PHLDA3: variants seen among roughly 807,000 people sequenced by gnomAD.
PHLDA3 encodes the protein pleckstrin homology like domain family A member 3.
A neutral mutation model predicts 7.6 loss-of-function variants in PHLDA3; 12 were observed. The observed-to-expected ratio is 1.58, with a 90% CI of 1.01 to 2.55. The LOEUF is 2.55. Ranked by LOEUF, PHLDA3 falls within the 30% of genes most tolerant of loss-of-function variation. PHLDA3 has a pLI of 0.00. For missense variants in PHLDA3, 177 were observed against 175.6 expected, an observed-to-expected ratio of 1.01 and a Z score of -0.05; for synonymous variants, 104 against 85.1, an observed-to-expected ratio of 1.22 and a Z score of -1.23.
Position 201,468,367 on chromosome 1 carries a change from T to C in PHLDA3, c.*36A>G, listed in dbSNP as rs1283149159. ...TGCCTTGACCTCAGCACTGAGGTGGTGGGTAGCATGAAGGAAAGATGGTGC... is the reference window on the plus strand; with the variant it reads ...TGCCTTGACCTCAGCACTGAGGTGGCGGGTAGCATGAAGGAAAGATGGTGC... On this transcript the variant is annotated 3_prime_UTR_variant, in exon 1 of 2. Coordinates refer to ENST00000367311, the MANE Select transcript of PHLDA3 (RefSeq NM_012396.5). 2 of 1,612,138 alleles carry C rather than the reference T, an allele frequency of 1.2e-6. No homozygotes were observed. The highest frequency in any genetic ancestry group is 1.3e-5 in the African/African-American group (1 of 74,924).
intron 1 of PHLDA3, 102 bp downstream of exon 1, chr1:201,468,239 A>T: frequency 2.3e-6 from 2 of 865,892 alleles, no homozygotes; most frequent in Non-Finnish European, 3.4e-6. Context: ...CCTCCCCCCT[A>T]AGATGTCCGG....
rs1241674199 is a variant in PHLDA3, at chr1:201,468,332, G to A, written c.*62+9C>T. 3 of 1,555,896 alleles carry A rather than the reference G, an allele frequency of 1.9e-6. No homozygotes were observed. The highest frequency in any genetic ancestry group is 2.6e-6 in the Non-Finnish European group (3 of 1,140,412). ...GGAGAGAAGAGGGCCCAGTCCCCCGGGGGCTTACCTGCCTTGACCTCAGCA... is the reference window on the plus strand; with the variant it reads ...GGAGAGAAGAGGGCCCAGTCCCCCGAGGGCTTACCTGCCTTGACCTCAGCA... On this transcript the variant is annotated intron_variant, in intron 1 of 1. Transcript: ENST00000367311.
chr1:201,464,441 G>C lies in PHLDA3; in HGVS notation c.*1800C>G, dbSNP rs1332204118. 6.6e-6 allele frequency: 1 copy of C among 152,240 alleles called. No homozygotes were observed. Among genetic ancestry groups the C allele is most frequent in the African/African-American group, 2.4e-5 (1 of 41,448 alleles). The allele number at this position is 152,240 out of a possible 1,614,324, so 9.4% of individuals were successfully genotyped here. On this transcript the variant is annotated 3_prime_UTR_variant, in exon 2 of 2. Transcript: ENST00000367311. Reference sequence around the variant, plus strand: ...GTAATTAACAAATTCTCATTCAACTGTGTGATGTAATTCACACATCAGATG... The same window carrying C: ...GTAATTAACAAATTCTCATTCAACTCTGTGATGTAATTCACACATCAGATG...
At chr1:201,468,208 G>A in intron 1 of PHLDA3, 133 bp downstream of exon 1, 1 of 674,644 alleles carries the variant, frequency 1.5e-6, no homozygotes, top group Non-Finnish European at 2.4e-6. Context: ...AGCCTCCCAT[G>A]CCCTCAGTTG....
intron 1 of PHLDA3, among the ~76,000 whole-genome samples, chr1:201,467,262 G>A (rs985805707): frequency 1.3e-5 from 2 of 152,114 alleles, no homozygotes; most frequent in African/African-American, 2.4e-5. Flanking sequence ...GCTGCAGTGA[G>A]CCATGACTAT....
intron 1 of PHLDA3, 77 bp downstream of exon 1, chr1:201,468,264 G>T: frequency 2.9e-6 from 3 of 1,017,802 alleles, no homozygotes; most frequent in Non-Finnish European, 4.3e-6. Flanking sequence ...GAAGTAGAAT[G>T]CTAGTCCTCA....
chr1:201,467,683 T>C lies in PHLDA3; in HGVS notation c.*62+658A>G, dbSNP rs1005427658. On this transcript the variant is annotated intron_variant, in intron 1 of 1. Transcript: ENST00000367311. ...ACACACACACACACACACACACACA[T>C]ATGTAGAGGAGGAGCTGGATCCCTC... 3.1e-4 allele frequency: 36 copies of C among 116,558 alleles called. No homozygotes were observed. In the South Asian group the frequency reaches 4.1e-3, roughly 13 times the overall value. 7.2% of individuals were successfully genotyped at this position (116,558 alleles called of 1,614,324 possible). A position where few individuals can be genotyped will look rare whatever the true frequency, so the allele number is the denominator to read the frequency against.
chr1:201,465,874 CA>C lies in PHLDA3; in HGVS notation c.*366del, dbSNP rs1435469579. On this transcript the variant is annotated 3_prime_UTR_variant, in exon 2 of 2. Coordinates refer to ENST00000367311, the MANE Select transcript of PHLDA3 (RefSeq NM_012396.5). The stretch of plus-strand genomic sequence containing the variant: ...CCCTCCTCCAGGCCTGGCACAAAGC[CA>C]GGGGGCTAAGAGCAGTCTGCAGGAC... 6.5e-6 allele frequency: 1 copy of C among 154,904 alleles called. No homozygotes were observed. Among genetic ancestry groups the C allele is most frequent in the African/African-American group, 2.4e-5 (1 of 41,502 alleles). The allele number at this position is 154,904 out of a possible 1,614,324, so 9.6% of individuals were successfully genotyped here.
intron 1 of PHLDA3, chr1:201,467,583 C>G (rs1337097498): frequency 6.5e-6 from 1 of 153,454 alleles, no homozygotes. Flanking sequence ...TGTACTCCAG[C>G]CTGGGTGACA....
At position 201,468,826 on chromosome 1, in the gene PHLDA3, G is replaced by C. The variant is rs921664877; in HGVS notation, c.-40C>G. On this transcript the variant is annotated 5_prime_UTR_variant, in exon 1 of 2. Transcript: ENST00000367311. ...TCGCGGAAAGCTCCAGGCTGCGGCG[G>C]GCGCGGCGCCCCTCTCGGCCCCGCA... is the stretch of plus-strand genomic sequence containing the variant. 25 of 1,475,842 alleles carry C rather than the reference G, an allele frequency of 1.7e-5. No homozygotes were observed. Among genetic ancestry groups the C allele is most frequent in the South Asian group, 1.1e-4 (8 of 75,618 alleles). The allele number at this position is 1,475,842 out of a possible 1,614,324, so 91.4% of individuals were successfully genotyped here. A position where few individuals can be genotyped will look rare whatever the true frequency, so the allele number is the denominator to read the frequency against.
chr1:201,465,175 A>G lies in PHLDA3; in HGVS notation c.*1066T>C, dbSNP rs1663630142. The G allele has an allele frequency of 6.6e-6, 1 of 152,216 alleles. No individual in the cohort carries two copies. Among genetic ancestry groups the G allele is most frequent in the Non-Finnish European group, 1.5e-5 (1 of 68,040 alleles). The allele number at this position is 152,216 out of a possible 1,614,324, so 9.4% of individuals were successfully genotyped here. Reference sequence around the variant, plus strand: ...GGGAGAACTTACTGTGTAAATGTATAAAGCCTGAGAGTATAAATGACAGGG... The same window carrying G: ...GGGAGAACTTACTGTGTAAATGTATGAAGCCTGAGAGTATAAATGACAGGG... On this transcript the variant is annotated 3_prime_UTR_variant, in exon 2 of 2. Coordinates refer to ENST00000367311, the MANE Select transcript of PHLDA3 (RefSeq NM_012396.5).
chr1:201,464,665 A>G lies in PHLDA3; in HGVS notation c.*1576T>C, dbSNP rs1188625114. 6.6e-6 allele frequency: 1 copy of G among 152,264 alleles called. No individual in the cohort carries two copies. The highest frequency in any genetic ancestry group is 1.5e-5 in the Non-Finnish European group (1 of 68,072). The allele number at this position is 152,264 out of a possible 1,614,324, so 9.4% of individuals were successfully genotyped here. On this transcript the variant is annotated 3_prime_UTR_variant, in exon 2 of 2. Transcript: ENST00000367311. ...ACCCTGTAGTAGGCCACTGCTTTGCAACAGGGAAGGTCAGACATGGGAAAA... is the reference window on the plus strand; with the variant it reads ...ACCCTGTAGTAGGCCACTGCTTTGCGACAGGGAAGGTCAGACATGGGAAAA...
chr1:201,469,118 T>A lies in PHLDA3; in HGVS notation c.-332A>T, dbSNP rs1030082750. On this transcript the variant is annotated 5_prime_UTR_variant, in exon 1 of 2. Coordinates refer to ENST00000367311, the MANE Select transcript of PHLDA3 (RefSeq NM_012396.5). ...CCCCACCGCCCGCCCGTTCTCTTGCTCCCCTGGGCTCTGTCTGCGCGCTGG... is the reference window on the plus strand; with the variant it reads ...CCCCACCGCCCGCCCGTTCTCTTGCACCCCTGGGCTCTGTCTGCGCGCTGG... The A allele has an allele frequency of 3.8e-6, 1 of 261,710 alleles. No individual in the cohort carries two copies. Among genetic ancestry groups the A allele is most frequent in the African/African-American group, 2.3e-5 (1 of 44,362 alleles). The allele number at this position is 261,710 out of a possible 1,614,324, so 16.2% of individuals were successfully genotyped here.
Sources: gnomAD v4.1 joint callset for allele counts (sites outside exome capture counted in the v4.1 genomes callset) on GRCh38, gnomAD v4.1.1 for gene constraint, MANE v1.5 for transcripts, NCBI Gene and HGNC (gene_info 2026-07-23, HGNC 2026-07-21) for gene names.